Variants in CHL1 observed in about 807,000 individuals in gnomAD.
The protein encoded by CHL1 is neural cell adhesion molecule L1-like protein.
A neutral mutation model predicts 141.9 loss-of-function variants in CHL1; 96 were observed. The observed-to-expected ratio is 0.68, with a 90% CI of 0.57 to 0.80. The LOEUF is 0.80. Among genes scored for constraint, CHL1 ranks in the 30% least tolerant of loss-of-function variants. The probability of loss-of-function intolerance (pLI) is 0.00; values close to 1 mark genes in which losing one functional copy is unlikely to be tolerated. For synonymous variants in CHL1, 613 were observed against 502.2 expected (o/e 1.22, Z -2.95); for missense variants, 1,820 against 1,457.2 (o/e 1.25, Z -4.05).
chr3:208,119 T>A (rs1420424989), intron 1 of CHL1, among the ~76,000 whole-genome samples: 1 of 152,228 alleles, frequency 6.6e-6, no homozygotes, highest in Non-Finnish European at 1.5e-5. Context: ...GCTTCTGTTT[T>A]CCTGTTTTAC....
In CHL1 at chr3:404,222, C is replaced by CT. The variant is rs1270672723; in HGVS notation, c.3459-1264dup. On this transcript the variant is annotated intron_variant, in intron 27 of 27. Transcript: ENST00000256509. Reference sequence around the variant, plus strand: ...AAGAGACACATGTCACCTTTGCTCACTTTTTTTTTAAACCAAAGAAAATTC... The same window carrying CT: ...AAGAGACACATGTCACCTTTGCTCACTTTTTTTTTTAAACCAAAGAAAATTC... 3.2e-4 allele frequency among the ~76,000 whole-genome samples: 48 copies of CT among 151,632 alleles called. 1 individual carries two copies. The highest frequency in any genetic ancestry group is 4.4e-5 in the Non-Finnish European group (3 of 67,840).
chr3:406,958 G>A lies in CHL1; in HGVS notation c.*1247G>A, dbSNP rs369616096. ...TTTACATAGAAATTCCTACACATACGTTTGCGTATATGTTATTTTAAACAT... is the reference window on the plus strand; with the variant it reads ...TTTACATAGAAATTCCTACACATACATTTGCGTATATGTTATTTTAAACAT... On this transcript the variant is annotated 3_prime_UTR_variant, in exon 28 of 28. Transcript: ENST00000256509. 2 of 151,980 alleles carry A rather than the reference G, an allele frequency of 1.3e-5. No individual in the cohort carries two copies. The highest frequency in any genetic ancestry group is 6.6e-5 in the Admixed American group (1 of 15,256). 9.4% of individuals were successfully genotyped at this position (151,980 alleles called of 1,614,324 possible).
chr3:207,323 A>G (rs1699527485), intron 1 of CHL1, among the ~76,000 whole-genome samples: 1 of 152,198 alleles, frequency 6.6e-6, no homozygotes, highest in African/African-American at 2.4e-5. Context: ...CTTGGATTAT[A>G]CACAATGGCT....
At chr3:289,583 G>A (rs940519950) in intron 2 of CHL1, among the ~76,000 whole-genome samples, 16 of 152,026 alleles carry the variant, frequency 1.1e-4, no homozygotes, top group African/African-American at 3.9e-4. Flanking sequence ...TAAGAGCTTG[G>A]TTCCTGCACG....
At chr3:397,642 T>A (rs528706569) in intron 24 of CHL1, among the ~76,000 whole-genome samples, 1 of 152,246 alleles carries the variant, frequency 6.6e-6, no homozygotes, top group South Asian at 2.1e-4. Flanking sequence ...CATATTAATA[T>A]TTTTTGAAAA....
chr3:265,383 A>G (rs897235376), intron 2 of CHL1, among the ~76,000 whole-genome samples: 1 of 152,234 alleles, frequency 6.6e-6, no homozygotes, highest in Non-Finnish European at 1.5e-5. Context: ...TTTCTATAAT[A>G]TCACTCAATG....
At chr3:392,608 T>G (rs146922234) in intron 23 of CHL1, among the ~76,000 whole-genome samples, 178 of 152,194 alleles carry the variant, frequency 1.2e-3, no homozygotes, top group African/African-American at 3.8e-3. Context: ...ATCATGAAAA[T>G]TTTAGGCTTT....
intron 2 of CHL1, chr3:246,841 A>G (rs1693218581): frequency 1.3e-5 from 2 of 152,200 alleles, no homozygotes; most frequent in African/African-American, 4.8e-5. Context: ...AATTTATCCA[A>G]AAGCGATGTT....
At chr3:384,086 G>A (rs1707380979) in intron 19 of CHL1, among the ~76,000 whole-genome samples, 200 bp downstream of exon 19, 1 of 152,026 alleles carries the variant, frequency 6.6e-6, no homozygotes, top group Admixed American at 6.6e-5. Flanking sequence ...TTTAACACTG[G>A]TCAACAATTT....
intron 12 of CHL1, 122 bp from the exon 13 acceptor site, chr3:361,577 C>T (rs1280847119): frequency 9.4e-6 from 6 of 637,778 alleles, no homozygotes; most frequent in Non-Finnish European, 1.7e-5. Flanking sequence ...TAATTCAAAA[C>T]AGACACCATA....
chr3:368,617 C>G (rs1209531202), intron 15 of CHL1, among the ~76,000 whole-genome samples: 1 of 152,114 alleles, frequency 6.6e-6, no homozygotes, highest in East Asian at 1.9e-4. Flanking sequence ...TTTGTAAATT[C>G]TGGCTTTTGT....
At chr3:361,368 A>C (rs1341472875) in intron 12 of CHL1, among the ~76,000 whole-genome samples, 1 of 126,678 alleles carries the variant, frequency 7.9e-6, no homozygotes, top group Non-Finnish European at 1.7e-5. Flanking sequence ...AAAATTGACA[A>C]ATGGGATCTA....
intron 2 of CHL1, among the ~76,000 whole-genome samples, chr3:269,017 G>A (rs1695408350): frequency 6.6e-6 from 1 of 152,182 alleles, no homozygotes; most frequent in South Asian, 2.1e-4. Context: ...AGAGTTCACA[G>A]CTGCATGCAG....
chr3:360,757 A>C, intron 12 of CHL1, among the ~76,000 whole-genome samples: 1 of 85,942 alleles, frequency 1.2e-5, no homozygotes, highest in African/African-American at 5.0e-5. Context: ...CCACCCCACA[A>C]CAGTCCCCAG....
At chr3:276,295 A>G (rs563452694) in intron 2 of CHL1, among the ~76,000 whole-genome samples, 12 of 152,310 alleles carry the variant, frequency 7.9e-5, no homozygotes, top group African/African-American at 2.9e-4. Context: ...AAATATATCA[A>G]ATGAATCAAC....
chr3:311,453 T>C (rs1036704997), intron 2 of CHL1, among the ~76,000 whole-genome samples: 3 of 152,096 alleles, frequency 2.0e-5, no homozygotes, highest in African/African-American at 7.2e-5. Context: ...CTGTTCTTCC[T>C]TGGGCAGGAC....
intron 15 of CHL1, among the ~76,000 whole-genome samples, chr3:368,156 C>A (rs1705150878): frequency 6.6e-6 from 1 of 152,106 alleles, no homozygotes; most frequent in Admixed American, 6.6e-5. Context: ...GGTTCTAGAT[C>A]CTTGAGGAAT....
rs1288998874 is a variant in CHL1, at chr3:390,702, T to C, written c.2472T>C (p.Tyr824=). ...QSVTLYSGED[Y]PDTAPVIHGV... ...TAATCAATCTTCTATGATTAACAGA[T>C]CCTGATACAGCTCCAGTGATCCATG... The change falls in exon 21 of 28, where the codon TAT becomes TAC. Residue 824 remains tyrosine, a splice_region_variant and synonymous_variant. Transcript: ENST00000256509. 1.3e-6 allele frequency: 2 copies of C among 1,537,188 alleles called. No individual in the cohort carries two copies. Among genetic ancestry groups the C allele is most frequent in the South Asian group, 1.1e-5 (1 of 89,278 alleles).
At chr3:375,268 G>A (rs1042010197) in intron 15 of CHL1, among the ~76,000 whole-genome samples, 1 of 151,934 alleles carries the variant, frequency 6.6e-6, no homozygotes, top group African/African-American at 2.4e-5. Flanking sequence ...AAGGTAATGG[G>A]GACTGTTCAT....
Sources: allele counts gnomAD v4.1 joint callset (sites outside exome capture counted in the v4.1 genomes callset), GRCh38; gene constraint gnomAD v4.1.1; transcripts MANE v1.5; gene names NCBI Gene and HGNC (gene_info 2026-07-23, HGNC 2026-07-21).